Variants in SOD2 observed in about 807,000 individuals in gnomAD.
The protein encoded by SOD2 is superoxide dismutase [Mn], mitochondrial.
A neutral mutation model predicts 27.0 loss-of-function variants in SOD2; 11 were observed. The ratio of observed to expected loss-of-function variants is 0.41; its 90% CI spans 0.26 to 0.67. The LOEUF (loss-of-function observed/expected upper bound fraction) is 0.67. SOD2 is among the 30% of genes least tolerant of loss of function. The pLI is 0.34. For synonymous variants in SOD2, 105 were observed against 103.0 expected (o/e 1.02, Z -0.12); for missense variants, 250 against 274.5 (o/e 0.91, Z 0.63).
rs1031145425 is a variant in SOD2, at chr6:159,710,787, C to T, written c.-116+16342G>A. Among the ~76,000 whole-genome samples, 9 of 149,918 alleles carry T rather than the reference C, an allele frequency of 6.0e-5. No homozygotes were observed. In the East Asian group the frequency reaches 1.2e-3, roughly 20 times the overall value. On this transcript the variant is annotated intron_variant, in intron 1 of 2. Coordinates refer to the SOD2 transcript ENST00000401980. ...TCTGACCTCCATAACCACCACTCAGCTGCTCTGACCTCCATAACCGCCTCC... is the reference window on the plus strand; with the variant it reads ...TCTGACCTCCATAACCACCACTCAGTTGCTCTGACCTCCATAACCGCCTCC...
At chr6:159,699,426 G>T (rs1777486673) in intron 1 of SOD2, among the ~76,000 whole-genome samples, 2 of 152,256 alleles carry the variant, frequency 1.3e-5, no homozygotes, top group South Asian at 2.1e-4. Context: ...GACCCAGGAG[G>T]CCAAAAGAGA....
At chr6:159,720,549 A>C (rs770037603) in intron 1 of SOD2, 4 of 152,818 alleles carry the variant, frequency 2.6e-5, no homozygotes, top group Non-Finnish European at 5.9e-5. Flanking sequence ...GTAGTAAGTT[A>C]ACTTTCATCA....
At chr6:159,720,524 C>G (rs1778015229) in intron 1 of SOD2, 1 of 152,826 alleles carries the variant, frequency 6.5e-6, no homozygotes, top group African/African-American at 2.4e-5. Flanking sequence ...GTAGTGCAAC[C>G]CCAAGAAAAG....
chr6:159,727,374 T>TGGCAGGAGGCGGGAGGCGGAA, upstream of SOD2: 1 of 1,032,512 alleles, frequency 9.7e-7, no homozygotes, highest in Non-Finnish European at 1.2e-6. Flanking sequence ...GCGGGGAGGC[T>TGGCAGGAGGCGGGAGGCGGAA]GGCGGGAGGC....
chr6:159,714,744 G>A (rs1777895078), intron 1 of SOD2, among the ~76,000 whole-genome samples: 2 of 152,200 alleles, frequency 1.3e-5, no homozygotes, highest in South Asian at 4.1e-4. Context: ...TGCTTGAGTG[G>A]ATGGGGGTAG....
exon 1 of SOD2, chr6:159,761,220 C>T (rs41267783): frequency 0.041 from 8,104 of 196,586 alleles, 299 homozygotes; most frequent in African/African-American, 0.082. Flanking sequence ...GTGTTCCCAA[C>T]AAGTTGCTGT....
intron 1 of SOD2, chr6:159,720,412 C>A: frequency 1.3e-5 from 2 of 152,608 alleles, no homozygotes; most frequent in South Asian, 3.9e-4. Context: ...AGCTGTTTTT[C>A]ATTTCTCCAA....
intron 4 of SOD2, among the ~76,000 whole-genome samples, chr6:159,684,632 T>C (rs1396801790): frequency 6.6e-6 from 1 of 152,114 alleles, no homozygotes; most frequent in African/African-American, 2.4e-5. Context: ...TAAATAAAAA[T>C]AAAACATGTT....
upstream of SOD2, among the ~76,000 whole-genome samples, chr6:159,696,164 T>G (rs1307076781): frequency 2.0e-5 from 3 of 152,188 alleles, no homozygotes; most frequent in Non-Finnish European, 4.4e-5. Flanking sequence ...AGTCCTGGGT[T>G]GGGATGAAAT....
intron 1 of SOD2, among the ~76,000 whole-genome samples, chr6:159,705,506 G>T (rs1777608595): frequency 6.6e-6 from 1 of 152,216 alleles, no homozygotes; most frequent in Non-Finnish European, 1.5e-5. Flanking sequence ...CGATCAACTG[G>T]AAGAAAGGGT....
intron 1 of SOD2, among the ~76,000 whole-genome samples, chr6:159,723,465 C>T (rs1778079151): frequency 6.6e-6 from 1 of 152,208 alleles, no homozygotes; most frequent in Non-Finnish European, 1.5e-5. Flanking sequence ...CAACGAAATA[C>T]CTGGCTCATC....
intron 1 of SOD2, among the ~76,000 whole-genome samples, chr6:159,741,390 T>G (rs1779247231): frequency 6.6e-6 from 1 of 152,124 alleles, no homozygotes. Flanking sequence ...TTGAGAAGAG[T>G]CACATGGTAT....
At chr6:159,760,443 T>C (rs1372731601) in intron 1 of SOD2, 1 of 152,158 alleles carries the variant, frequency 6.6e-6, no homozygotes, top group African/African-American at 2.4e-5. Flanking sequence ...CTAATTTTTC[T>C]ATTTTATGGT....
At chr6:159,688,756 G>A (rs1780311372) in intron 2 of SOD2, among the ~76,000 whole-genome samples, 1 of 152,012 alleles carries the variant, frequency 6.6e-6, no homozygotes, top group Non-Finnish European at 1.5e-5. Flanking sequence ...CTGTCCCTCA[G>A]GACATCCTTG....
At chr6:159,762,122 C>G in exon 1 of SOD2, 1 of 1,612,748 alleles carries the variant, frequency 6.2e-7, no homozygotes, top group African/African-American at 1.3e-5. Flanking sequence ...GTCATCGTCT[C>G]GGCGGCGCGG....
intron 1 of SOD2, among the ~76,000 whole-genome samples, chr6:159,715,904 A>G (rs1337246101): frequency 7.5e-6 from 1 of 133,824 alleles, no homozygotes; most frequent in Admixed American, 7.0e-5. Flanking sequence ...TGTCTCAAGG[A>G]AAAAAAAAAA....
intron 1 of SOD2, among the ~76,000 whole-genome samples, chr6:159,719,014 G>C (rs576725030): frequency 6.6e-6 from 1 of 151,372 alleles, no homozygotes; most frequent in African/African-American, 2.4e-5. Flanking sequence ...ACAAAAGCTA[G>C]ACTTACTGTT....
At position 159,744,203 on chromosome 6, in the gene SOD2, AGCAACCTCTTTAGTGTCTCCTTTTTAATT is replaced by A. The variant is rs532649879; in HGVS notation, c.-116+898_-116+926del. Among the ~76,000 whole-genome samples the A allele has an allele frequency of 1.9e-3, 290 of 152,276 alleles. 1 individual carries two copies. Among genetic ancestry groups the A allele is most frequent in the African/African-American group, 6.6e-3 (275 of 41,552 alleles). ...GTATAGAACTGTTTTTCCTAGTGTC[AGCAACCTCTTTAGTGTCTCCTTTTTAATT>A]GTTAGAACTTTGATGTGTACTGTGT... On this transcript the variant is annotated intron_variant, in intron 1 of 3. Coordinates refer to the SOD2 transcript ENST00000537657.
intron 4 of SOD2, 149 bp from the exon 5 acceptor site, chr6:159,682,787 T>A: frequency 1.5e-6 from 1 of 656,070 alleles, no homozygotes; most frequent in Non-Finnish European, 2.4e-6. Context: ...GTAGGAAATC[T>A]AGATAAGAAT....
Sources: gnomAD v4.1 joint callset for allele counts (sites outside exome capture counted in the v4.1 genomes callset) on GRCh38, gnomAD v4.1.1 for gene constraint, MANE v1.5 for transcripts, NCBI Gene and HGNC (gene_info 2026-07-23, HGNC 2026-07-21) for gene names.